Variants in ZBTB3 observed in about 807,000 individuals in gnomAD.
ZBTB3 encodes the protein zinc finger and BTB domain containing 3, also known as zinc finger and BTB domain-containing protein 3.
In ZBTB3, 15 loss-of-function variants were observed where a neutral mutation model predicts 30.6. That is an observed-to-expected ratio of 0.49 (90% confidence interval 0.33 to 0.75). The LOEUF (loss-of-function observed/expected upper bound fraction) is 0.75, where lower values mean the gene tolerates loss of function less well. ZBTB3 is among the 30% of genes least tolerant of loss of function. The pLI is 0.02. For missense variants in ZBTB3, 599 were observed against 652.1 expected, an observed-to-expected ratio of 0.92 and a Z score of 0.89; for synonymous variants, 258 against 261.7, an observed-to-expected ratio of 0.99 and a Z score of 0.14.
chr11:62,752,497 G>A lies in ZBTB3; in HGVS notation c.1168C>T (p.Pro390Ser). Residue 390 changes from proline (P) to serine (S), a missense_variant, in exon 2 of 2, where the codon CCT becomes TCT. Pro to Ser is a moderately conservative substitution (Grantham distance 74). Coordinates refer to ENST00000394807, the MANE Select transcript of ZBTB3 (RefSeq NM_001370809.1). Reference protein sequence around the residue: ...GQYHRGLVTSPLPAPASLHEP... With the variant: ...GQYHRGLVTSSLPAPASLHEP... The stretch of plus-strand genomic sequence containing the variant: ...TGCAGGGATGCGGGTGCAGGCAGAG[G>A]TGAGGTCACCAGTCCTCGATGATAC... The A allele has an allele frequency of 6.2e-7, 1 of 1,614,202 alleles. No homozygotes were observed. The highest frequency in any genetic ancestry group is 1.1e-5 in the South Asian group (1 of 91,088).
rs755809742 is a variant in ZBTB3, at chr11:62,752,969, GT to G, written c.695del (p.Asn232ThrfsTer25). Reference protein sequence around the residue: ...PSSSTETIPTNYFSSGISAVS... With the variant: ...PSSSTETIPTXYFSSGISAVS... ...CTGCTGAGATGCCAGAAGAGAAGTA[GT>G]TTGTAGGAATGGTCTCAGTGGAGCT... On this transcript the variant is annotated frameshift_variant, in exon 2 of 2. Coordinates refer to ENST00000394807, the MANE Select transcript of ZBTB3 (RefSeq NM_001370809.1). LOFTEE classifies it high-confidence loss of function. The G allele has an allele frequency of 6.2e-7, 1 of 1,614,176 alleles. No individual in the cohort carries two copies.
Position 62,753,161 on chromosome 11 carries a change from T to G in ZBTB3, c.504A>C (p.Lys168Asn). 1.9e-6 allele frequency: 3 copies of G among 1,614,142 alleles called. No homozygotes were observed. The highest frequency in any genetic ancestry group is 2.5e-6 in the Non-Finnish European group (3 of 1,180,014). The change falls in exon 2 of 2, where the codon AAA becomes AAC. Residue 168 changes from lysine to asparagine, a missense_variant. By Grantham distance (94) the Lys-to-Asn change is moderately conservative. Coordinates refer to ENST00000394807, the MANE Select transcript of ZBTB3 (RefSeq NM_001370809.1). ...ASAETSGHWG[K>N]GEWKGSAAPS... The stretch of plus-strand genomic sequence containing the variant: ...GAGCAGCAGAGCCTTTCCATTCCCC[T>G]TTGCCCCAGTGGCCTGATGTCTCAG...
chr11:62,753,037 G>C lies in ZBTB3; in HGVS notation c.628C>G (p.Pro210Ala). Residue 210 changes from proline (P) to alanine (A), a missense_variant, in exon 2 of 2, where the codon CCT (proline) becomes GCT (alanine). Pro to Ala is a conservative substitution (Grantham distance 27). Coordinates refer to ENST00000394807, the MANE Select transcript of ZBTB3 (RefSeq NM_001370809.1). ...GAGACATCAGCCACTGGTGGATGAG[G>C]TGCCCGCAGATGTGGTGCGTCAACC... is the stretch of plus-strand genomic sequence containing the variant. The part of the protein sequence containing the change: ...MEVDAPHLRA[P>A]HPPVADVSLA... The C allele has an allele frequency of 6.2e-7, 1 of 1,614,174 alleles. No homozygotes were observed. The highest frequency in any genetic ancestry group is 8.5e-7 in the Non-Finnish European group (1 of 1,180,008).
In ZBTB3 at chr11:62,752,504, C is replaced by A; in HGVS notation, c.1161G>T (p.Val387=). The A allele has an allele frequency of 6.2e-7, 1 of 1,614,160 alleles. No homozygotes were observed. Among genetic ancestry groups the A allele is most frequent in the Middle Eastern group, 1.6e-4 (1 of 6,062 alleles). The change falls in exon 2 of 2, where the codon GTG becomes GTT. Residue 387 remains valine (V), a synonymous_variant. Coordinates refer to ENST00000394807, the MANE Select transcript of ZBTB3 (RefSeq NM_001370809.1). ...ATGCGGGTGCAGGCAGAGGTGAGGT[C>A]ACCAGTCCTCGATGATACTGCCCTG... ...PGAGQYHRGL[V]TSPLPAPASL...
chr11:62,753,315 C>T lies in ZBTB3; in HGVS notation c.350G>A (p.Arg117Gln), dbSNP rs748876235. Residue 117 changes from arginine (R) to glutamine (Q), a missense_variant, in exon 2 of 2, where the codon CGG becomes CAG. Transcript: ENST00000394807. ...HMNDIVKVCK[R>Q]RLQARALAEA... The stretch of plus-strand genomic sequence containing the variant: ...TGCCAGGGCCCGGGCTTGAAGCCGC[C>T]GCTTACACACCTTGACGATGTCATT... 7 of 1,613,946 alleles carry T rather than the reference C, an allele frequency of 4.3e-6. No homozygotes were observed. The highest frequency in any genetic ancestry group is 1.6e-4 in the Middle Eastern group (1 of 6,084).
chr11:62,752,659 C>T lies in ZBTB3; in HGVS notation c.1006G>A (p.Val336Met). The T allele has an allele frequency of 3.7e-6, 6 of 1,614,220 alleles. No individual in the cohort carries two copies. Among genetic ancestry groups the T allele is most frequent in the Non-Finnish European group, 4.2e-6 (5 of 1,180,056 alleles). The change falls in exon 2 of 2, where the codon GTG becomes ATG. Residue 336 changes from valine (V) to methionine (M), a missense_variant. Val to Met is a conservative substitution (Grantham distance 21, BLOSUM62 1). Coordinates refer to ENST00000394807, the MANE Select transcript of ZBTB3 (RefSeq NM_001370809.1). ...PERAFPSGGA[V>M]YGAQPSQPEA... ...GGCTGGGAGGGCTGTGCCCCATACA[C>T]TGCTCCTCCAGATGGGAAAGCTCTC...
At position 62,754,134 on chromosome 11, in the gene ZBTB3, C is replaced by T. The variant is rs1414232547; in HGVS notation, c.-222G>A. On this transcript the variant is annotated 5_prime_UTR_variant, in exon 1 of 2. It adds an upstream start codon to the 5' untranslated region. Transcript: ENST00000394807. ...GCGGAGAAAGCTGATACCTCACCCA[C>T]CACCGAGCAGCCACAGGGCGAGCTC... 2 of 1,474,634 alleles carry T rather than the reference C, an allele frequency of 1.4e-6. No individual in the cohort carries two copies. Among genetic ancestry groups the T allele is most frequent in the Admixed American group, 1.7e-5 (1 of 59,370 alleles). The allele number at this position is 1,474,634 out of a possible 1,614,324, so 91.3% of individuals were successfully genotyped here. A position where few individuals can be genotyped will look rare whatever the true frequency, so the allele number is the denominator to read the frequency against.
rs1046009494 is a variant in ZBTB3, at chr11:62,754,099, G to A, written c.-187C>T. ...ATTCCAGGGGCTAAGGACTACCAGGGTGGGAACTAGCGGAGAAAGCTGATA... is the reference window on the plus strand; with the variant it reads ...ATTCCAGGGGCTAAGGACTACCAGGATGGGAACTAGCGGAGAAAGCTGATA... On this transcript the variant is annotated 5_prime_UTR_variant, in exon 1 of 2. Transcript: ENST00000394807. The A allele has an allele frequency of 1.9e-6, 3 of 1,604,526 alleles. No individual in the cohort carries two copies. The highest frequency in any genetic ancestry group is 2.7e-5 in the African/African-American group (2 of 74,720).
chr11:62,751,043 T>C lies in ZBTB3; in HGVS notation c.*1047A>G, dbSNP rs1188604178. The stretch of plus-strand genomic sequence containing the variant: ...GATTACACCTCAGGAAAATTCCCAG[T>C]GCCCTTGGAGAGAGCTGACATAGGC... On this transcript the variant is annotated 3_prime_UTR_variant, in exon 2 of 2. Coordinates refer to ENST00000394807, the MANE Select transcript of ZBTB3 (RefSeq NM_001370809.1). The C allele has an allele frequency of 1.3e-5, 2 of 152,562 alleles. No homozygotes were observed. Among genetic ancestry groups the C allele is most frequent in the Non-Finnish European group, 2.9e-5 (2 of 68,054 alleles). The allele number at this position is 152,562 out of a possible 1,614,324, so 9.5% of individuals were successfully genotyped here. A position where few individuals can be genotyped will look rare whatever the true frequency, so the allele number is the denominator to read the frequency against.
rs1354367909 is a variant in ZBTB3, at chr11:62,750,997, CCAGAA to C, written c.*1088_*1092del. On this transcript the variant is annotated 3_prime_UTR_variant, in exon 2 of 2. Transcript: ENST00000394807. ...ATACCTTCATTGCTAGCTTTATGTT[CCAGAA>C]CATACAGTGAGAAGCGATTACACCT... 1 of 152,174 alleles carries C rather than the reference CCAGAA, an allele frequency of 6.6e-6. No homozygotes were observed. Among genetic ancestry groups the C allele is most frequent in the Admixed American group, 6.6e-5 (1 of 15,220 alleles). 9.4% of individuals were successfully genotyped at this position (152,174 alleles called of 1,614,324 possible). A position where few individuals can be genotyped will look rare whatever the true frequency, so the allele number is the denominator to read the frequency against.
Position 62,751,042 on chromosome 11 carries a change from G to A in ZBTB3, c.*1048C>T, listed in dbSNP as rs936618377. On this transcript the variant is annotated 3_prime_UTR_variant, in exon 2 of 2. Coordinates refer to ENST00000394807, the MANE Select transcript of ZBTB3 (RefSeq NM_001370809.1). Reference sequence around the variant, plus strand: ...CGATTACACCTCAGGAAAATTCCCAGTGCCCTTGGAGAGAGCTGACATAGG... The same window carrying A: ...CGATTACACCTCAGGAAAATTCCCAATGCCCTTGGAGAGAGCTGACATAGG... 4 of 152,534 alleles carry A rather than the reference G, an allele frequency of 2.6e-5. No individual in the cohort carries two copies. Among genetic ancestry groups the A allele is most frequent in the African/African-American group, 9.7e-5 (4 of 41,430 alleles). 9.4% of individuals were successfully genotyped at this position (152,534 alleles called of 1,614,324 possible).
chr11:62,751,393 G>A lies in ZBTB3; in HGVS notation c.*697C>T, dbSNP rs1017296046. On this transcript the variant is annotated 3_prime_UTR_variant, in exon 2 of 2. Coordinates refer to ENST00000394807, the MANE Select transcript of ZBTB3 (RefSeq NM_001370809.1). Reference sequence around the variant, plus strand: ...CTGAGGCGGGTGGATCACGAGGTCAGGAGATCGAGACCATCCTGACTAACA... The same window carrying A: ...CTGAGGCGGGTGGATCACGAGGTCAAGAGATCGAGACCATCCTGACTAACA... The A allele has an allele frequency of 6.6e-6, 1 of 151,734 alleles. No individual in the cohort carries two copies. Among genetic ancestry groups the A allele is most frequent in the East Asian group, 1.9e-4 (1 of 5,174 alleles). 9.4% of individuals were successfully genotyped at this position (151,734 alleles called of 1,614,324 possible).
At position 62,753,390 on chromosome 11, in the gene ZBTB3, C is replaced by T. The variant is rs765403351; in HGVS notation, c.275G>A (p.Gly92Glu). The T allele has an allele frequency of 1.2e-6, 2 of 1,614,024 alleles. No individual in the cohort carries two copies. The highest frequency in any genetic ancestry group is 2.2e-5 in the East Asian group (1 of 44,898). ...CAGCACATCCTCCACAGGGGTATCC[C>T]CTCTCAGGGTCAGCTGGCCAGCATA... ...FMYAGQLTLR[G>E]DTPVEDVLAA... Residue 92 changes from glycine (G) to glutamate (E), a missense_variant, in exon 2 of 2, where the codon GGG becomes GAG. Physicochemically the swap from Gly to Glu is moderately conservative, Grantham distance 98. Transcript: ENST00000394807.
In ZBTB3 at chr11:62,754,147, A is replaced by G. The variant is rs944076103; in HGVS notation, c.-235T>C. On this transcript the variant is annotated 5_prime_UTR_variant, in exon 1 of 2. Transcript: ENST00000394807. ...ATACCTCACCCACCACCGAGCAGCCACAGGGCGAGCTCCGCCCCTTCCCAC... is the reference window on the plus strand; with the variant it reads ...ATACCTCACCCACCACCGAGCAGCCGCAGGGCGAGCTCCGCCCCTTCCCAC... 2 of 1,365,450 alleles carry G rather than the reference A, an allele frequency of 1.5e-6. No homozygotes were observed. Among genetic ancestry groups the G allele is most frequent in the African/African-American group, 1.4e-5 (1 of 70,052 alleles). The allele number at this position is 1,365,450 out of a possible 1,614,324, so 84.6% of individuals were successfully genotyped here.
rs2084017694 is a variant in ZBTB3, at chr11:62,752,115, A to G, written c.1550T>C (p.Val517Ala). The G allele has an allele frequency of 1.2e-6, 2 of 1,611,976 alleles. No homozygotes were observed. The highest frequency in any genetic ancestry group is 2.7e-5 in the African/African-American group (2 of 74,842). ...TTAGATGTTAGTTTTTGGGGCCAAT[A>G]CAAAATCTTTAGGTGGCCCTCCACC... Reference protein sequence around the residue: ...SSGGGPPKDFVLAPKTNI With the variant: ...SSGGGPPKDFALAPKTNI The change falls in exon 2 of 2, where the codon GTA becomes GCA. Residue 517 changes from valine (V) to alanine (A), a missense_variant. Coordinates refer to ENST00000394807, the MANE Select transcript of ZBTB3 (RefSeq NM_001370809.1).
At chr11:62,753,931 C>A in intron 1 of ZBTB3, 33 bp downstream of exon 1, 1 of 1,612,284 alleles carries the variant, frequency 6.2e-7, no homozygotes, top group African/African-American at 1.3e-5. Context: ...GAAGTCCCGC[C>A]CCTTAGCCAC....
At position 62,753,368 on chromosome 11, in the gene ZBTB3, C is replaced by A; in HGVS notation, c.297G>T (p.Val99=). 6.2e-7 allele frequency: 1 copy of A among 1,614,058 alleles called. No homozygotes were observed. Among genetic ancestry groups the A allele is most frequent in the Non-Finnish European group, 8.5e-7 (1 of 1,180,022 alleles). ...TLRGDTPVED[V]LAAASYLHMN... is the part of the protein sequence containing the mutation. The stretch of plus-strand genomic sequence containing the variant: ...TGTGCAAGTAGCTGGCAGCTGCCAG[C>A]ACATCCTCCACAGGGGTATCCCCTC... The change falls in exon 2 of 2, where the codon GTG becomes GTT. Residue 99 remains valine, a synonymous_variant. Transcript: ENST00000394807.
In ZBTB3 at chr11:62,752,899, G is replaced by A; in HGVS notation, c.766C>T (p.Leu256=). ...LPSLDVGPES[L]RVVEPKDPGG... ...GGATCCTTTGGTTCCACCACCCTCAGACTCTCAGGACCCACATCAAGAGAT... is the reference window on the plus strand; with the variant it reads ...GGATCCTTTGGTTCCACCACCCTCAAACTCTCAGGACCCACATCAAGAGAT... The change falls in exon 2 of 2, where the codon CTG becomes TTG. Residue 256 remains leucine (L), a synonymous_variant. Transcript: ENST00000394807. 6.2e-7 allele frequency: 1 copy of A among 1,614,106 alleles called. No homozygotes were observed. The highest frequency in any genetic ancestry group is 8.5e-7 in the Non-Finnish European group (1 of 1,180,018).
intron 1 of ZBTB3, 102 bp downstream of exon 1, chr11:62,753,862 G>T (rs2084039784): frequency 6.4e-7 from 1 of 1,555,584 alleles, no homozygotes; most frequent in Non-Finnish European, 8.7e-7. Flanking sequence ...CATTAGCTCC[G>T]CCCACCTCGG....
Sources: allele counts gnomAD v4.1 joint callset, GRCh38; gene constraint gnomAD v4.1.1; transcripts MANE v1.5; gene names NCBI Gene and HGNC (gene_info 2026-07-23, HGNC 2026-07-21).